Variants in BDP1 observed in about 807,000 individuals in gnomAD.
BDP1 encodes the protein transcription factor TFIIIB component B'' homolog.
Under a neutral mutation model 266.6 loss-of-function variants are expected in BDP1, and 169 were observed. The ratio of observed to expected loss-of-function variants is 0.63; its 90% CI spans 0.56 to 0.72. The LOEUF (loss-of-function observed/expected upper bound fraction) is 0.72, where lower values mean the gene tolerates loss of function less well. Among genes scored for constraint, BDP1 ranks in the 30% least tolerant of loss-of-function variants. BDP1 has a pLI of 0.00. For missense variants in BDP1, 3,015 were observed against 3,053.8 expected (o/e 0.99, Z 0.30); for synonymous variants, 1,090 against 1,022.4 (o/e 1.07, Z -1.26).
chr5:71,532,097 C>A (rs143571216), intron 25 of BDP1, among the ~76,000 whole-genome samples: 22 of 152,166 alleles, frequency 1.4e-4, no homozygotes, highest in African/African-American at 5.3e-4. Flanking sequence ...TTTTAATAGT[C>A]ACAGCCACCT....
chr5:71,513,700 A>G lies in BDP1; in HGVS notation c.4470+293A>G, dbSNP rs370229618. Among the ~76,000 whole-genome samples, 5 of 152,174 alleles carry G rather than the reference A, an allele frequency of 3.3e-5. No homozygotes were observed. The East Asian group carries it at 7.7e-4, about 23-fold the overall frequency. On this transcript the variant is annotated intron_variant, in intron 19 of 38. Coordinates refer to ENST00000358731, the MANE Select transcript of BDP1 (RefSeq NM_018429.3). ...AACAATTTTCTTCATAGAAAAAATG[A>G]CAATAATAGTTTTTTATTTTTTTTA...
chr5:71,534,726 C>G (rs1766481304), intron 26 of BDP1, among the ~76,000 whole-genome samples: 2 of 152,186 alleles, frequency 1.3e-5, no homozygotes, highest in African/African-American at 4.8e-5. Context: ...ACCACAACCT[C>G]TGTCTCCCTG....
intron 25 of BDP1, among the ~76,000 whole-genome samples, chr5:71,530,469 C>T (rs1766172110): frequency 6.6e-6 from 1 of 152,000 alleles, no homozygotes; most frequent in African/African-American, 2.4e-5. Flanking sequence ...GTCTCAAACT[C>T]CTGAGCTCAA....
chr5:71,502,982 A>G (rs1764346605), intron 15 of BDP1, among the ~76,000 whole-genome samples, 191 bp downstream of exon 15: 1 of 141,288 alleles, frequency 7.1e-6, no homozygotes, highest in Non-Finnish European at 1.5e-5. Context: ...TCTGCCACCC[A>G]GGTTCAAGTG....
In BDP1 at chr5:71,500,475, G is replaced by A. The variant is rs147621736; in HGVS notation, c.1957-1087G>A. Reference sequence around the variant, plus strand: ...TGAGTGGCTGGGATTACAGGCATGCGCCACCATGCCCGGCTAATTTTTTGT... The same window carrying A: ...TGAGTGGCTGGGATTACAGGCATGCACCACCATGCCCGGCTAATTTTTTGT... On this transcript the variant is annotated intron_variant, in intron 13 of 38. Coordinates refer to ENST00000358731, the MANE Select transcript of BDP1 (RefSeq NM_018429.3). 4.2e-3 allele frequency among the ~76,000 whole-genome samples: 644 copies of A among 151,802 alleles called. 19 individuals are homozygous for A. In the East Asian group the frequency reaches 0.08, roughly 19 times the overall value.
intron 1 of BDP1, 29 bp downstream of exon 1, chr5:71,456,118 A>C (rs748824541): frequency 6.3e-7 from 1 of 1,587,282 alleles, no homozygotes; most frequent in South Asian, 1.1e-5. Context: ...AAGAATTTTC[A>C]TTTGTCCCGC....
At chr5:71,457,280 T>A (rs1374479847) in intron 1 of BDP1, among the ~76,000 whole-genome samples, 1 of 151,750 alleles carries the variant, frequency 6.6e-6, no homozygotes, top group South Asian at 2.1e-4. Flanking sequence ...AGTCACTTTT[T>A]TTGCCATTAC....
intron 1 of BDP1, 95 bp from the exon 2 acceptor site, chr5:71,458,484 A>G: frequency 1.2e-6 from 1 of 861,458 alleles, no homozygotes; most frequent in Non-Finnish European, 1.7e-6. Flanking sequence ...TAATTACGAG[A>G]TTGCAGTTTT....
chr5:71,491,528 T>G (rs1763594673), intron 11 of BDP1, among the ~76,000 whole-genome samples: 1 of 152,094 alleles, frequency 6.6e-6, no homozygotes, highest in African/African-American at 2.4e-5. Context: ...TATAAAATCA[T>G]GAGATTTACC....
chr5:71,511,277 G>T (rs1764906099), intron 17 of BDP1, 126 bp downstream of exon 17: 1 of 909,204 alleles, frequency 1.1e-6, no homozygotes, highest in Non-Finnish European at 1.7e-6. Context: ...AAAGTCTTTT[G>T]TAGCCCTAAG....
At chr5:71,513,049 C>G in intron 18 of BDP1, 136 bp from the exon 19 acceptor site, 1 of 547,246 alleles carries the variant, frequency 1.8e-6, no homozygotes, top group Non-Finnish European at 2.9e-6. Context: ...GGGGATAGAA[C>G]AAGACCCTGT....
intron 11 of BDP1, 55 bp downstream of exon 11, chr5:71,491,186 A>G: frequency 6.6e-7 from 1 of 1,519,718 alleles, no homozygotes; most frequent in East Asian, 2.3e-5. Flanking sequence ...CTGAGAAAGG[A>G]GTGTTGAAGT....
rs183766670 is a variant in BDP1 at position 71,534,772 on chromosome 5, G to C, written c.5892+2345G>C. Among the ~76,000 whole-genome samples the C allele has an allele frequency of 7.2e-5, 11 of 152,224 alleles. No individual in the cohort carries two copies. The East Asian group carries it at 2.1e-3, about 30-fold the overall frequency. ...TTCTCCTGTCTCAGCTTCCCGAGTAGCTGGGATTACAGGCATATGCCACCA... is the reference window on the plus strand; with the variant it reads ...TTCTCCTGTCTCAGCTTCCCGAGTACCTGGGATTACAGGCATATGCCACCA... On this transcript the variant is annotated intron_variant, in intron 26 of 38. Transcript: ENST00000358731.
At chr5:71,474,475 C>G (rs1157274010) in intron 7 of BDP1, among the ~76,000 whole-genome samples, 1 of 152,172 alleles carries the variant, frequency 6.6e-6, no homozygotes, top group Non-Finnish European at 1.5e-5. Context: ...GTGCACACCA[C>G]TAACACCACT....
At position 71,534,649 on chromosome 5, in the gene BDP1, A is replaced by G. The variant is rs1766476866; in HGVS notation, c.5892+2222A>G. ...CAAGTAGCTGGGACTACAGGCGCCC[A>G]CCACATTTTGAGACGGAGTTTTCCT... On this transcript the variant is annotated intron_variant, in intron 26 of 38. Coordinates refer to ENST00000358731, the MANE Select transcript of BDP1 (RefSeq NM_018429.3). Among the ~76,000 whole-genome samples, 4 of 151,908 alleles carry G rather than the reference A, an allele frequency of 2.6e-5. 1 individual carries two copies. The South Asian group carries it at 8.4e-4, about 32-fold the overall frequency.
intron 7 of BDP1, among the ~76,000 whole-genome samples, chr5:71,477,095 C>T (rs1762635847): frequency 6.6e-6 from 1 of 151,980 alleles, no homozygotes; most frequent in African/African-American, 2.4e-5. Context: ...GGTCTGCCTA[C>T]CTCAGCCTCC....
chr5:71,562,187 C>T (rs1205802333), intron 37 of BDP1, 87 bp from the exon 38 acceptor site: 2 of 1,285,092 alleles, frequency 1.6e-6, no homozygotes, highest in Non-Finnish European at 2.0e-6. Context: ...GAGAGTGAGA[C>T]TGCGTCTCAA....
chr5:71,512,420 T>G lies in BDP1; in HGVS notation c.4239T>G (p.Ile1413Met). ...ATGTTCCAGAGCAGTTTTCAGATAT[T>G]AATTTAAGGTACAAGTGTGTTTTTA... ...SPDVPEQFSD[I>M]NLSKSLPQEQ... is the part of the protein sequence containing the mutation. Residue 1413 changes from isoleucine (I) to methionine (M), a missense_variant, in exon 18 of 39, where the codon ATT (isoleucine) becomes ATG (methionine). Ile to Met is a conservative substitution (Grantham distance 10). Coordinates refer to ENST00000358731, the MANE Select transcript of BDP1 (RefSeq NM_018429.3). 6.5e-7 allele frequency: 1 copy of G among 1,533,984 alleles called. No individual in the cohort carries two copies.
Position 71,512,225 on chromosome 5 carries a change from A to C in BDP1, c.4060-16A>C, listed in dbSNP as rs765212246. ...ACTCTTTTATTTGTGCTGATTTACT[A>C]TGACTGTTCCTCTAGAACATTAGCA... is the stretch of plus-strand genomic sequence containing the variant. On this transcript the variant is annotated splice_polypyrimidine_tract_variant and intron_variant, in intron 17 of 38. Transcript: ENST00000358731. 4 of 1,353,772 alleles carry C rather than the reference A, an allele frequency of 3.0e-6. No individual in the cohort carries two copies. In the South Asian group the frequency reaches 8.2e-5, roughly 28 times the overall value. 83.9% of individuals were successfully genotyped at this position (1,353,772 alleles called of 1,614,324 possible).
Sources: gnomAD v4.1 joint callset for allele counts (sites outside exome capture counted in the v4.1 genomes callset) on GRCh38, gnomAD v4.1.1 for gene constraint, MANE v1.5 for transcripts, NCBI Gene and HGNC (gene_info 2026-07-23, HGNC 2026-07-21) for gene names.